The following TRPV1 variants were observed in gnomAD, a reference collection of about 807,000 sequenced individuals.
TRPV1 encodes the protein transient receptor potential cation channel subfamily V member 1, also known as OTRPC1.
In TRPV1, 82 loss-of-function variants were observed where a neutral mutation model predicts 82.3. That is an observed-to-expected ratio of 1.00 (90% CI 0.83 to 1.20). TRPV1 has a LOEUF of 1.20. TRPV1 is among the 50% of genes most tolerant of loss of function. The pLI is 0.00. For missense variants in TRPV1, 1,067 were observed against 1,096.8 expected (o/e 0.97, Z 0.38); for synonymous variants, 515 against 467.7 (o/e 1.10, Z -1.30).
At chr17:3,605,568 A>G (rs1245705733) in intron 2 of TRPV1, among the ~76,000 whole-genome samples, 1 of 152,040 alleles carries the variant, frequency 6.6e-6, no homozygotes, top group Non-Finnish European at 1.5e-5. Context: ...ATCCCAGTAC[A>G]CAGCAGGTAC....
At chr17:3,593,508 T>C (rs2075187809) in intron 2 of TRPV1, among the ~76,000 whole-genome samples, 1 of 152,056 alleles carries the variant, frequency 6.6e-6, no homozygotes, top group South Asian at 2.1e-4. Context: ...GGGTGGCCCA[T>C]ACATCCCTCC....
chr17:3,574,000 T>C, intron 13 of TRPV1, 45 bp from the exon 14 acceptor site: 1 of 1,497,430 alleles, frequency 6.7e-7, no homozygotes, highest in Non-Finnish European at 8.9e-7. Flanking sequence ...TAGAAGCCAA[T>C]ATCCCAAGTC....
intron 2 of TRPV1, among the ~76,000 whole-genome samples, chr17:3,600,940 C>T (rs1165944317): frequency 1.3e-5 from 2 of 152,136 alleles, no homozygotes; most frequent in Non-Finnish European, 2.9e-5. Flanking sequence ...AAGTCAGCGG[C>T]TGCTTCATCC....
intron 13 of TRPV1, among the ~76,000 whole-genome samples, chr17:3,575,641 G>C (rs192797162): frequency 4.9e-4 from 74 of 152,210 alleles, no homozygotes; most frequent in Non-Finnish European, 6.9e-4. Context: ...CCATCACAAA[G>C]GTAAATATAG....
intron 10 of TRPV1, among the ~76,000 whole-genome samples, chr17:3,582,184 C>T (rs1464376841): frequency 2.8e-4 from 13 of 45,924 alleles, no homozygotes; most frequent in African/African-American, 5.9e-4. Context: ...AGTGAGACTC[C>T]ATCTCAAAAA....
intron 8 of TRPV1, 67 bp downstream of exon 8, chr17:3,588,121 G>A: frequency 6.6e-7 from 1 of 1,509,230 alleles, no homozygotes; most frequent in Admixed American, 2.0e-5. Flanking sequence ...AGCTGGACCA[G>A]GGGCTGGGAT....
intron 2 of TRPV1, among the ~76,000 whole-genome samples, chr17:3,601,209 C>CCTCCTCTACCTGGGAGCCCCTTCTT (rs2075260221): frequency 6.6e-6 from 1 of 152,106 alleles, no homozygotes. Flanking sequence ...TCCGTCCATC[C>CCTCCTCTACCTGGGAGCCCCTTCTT]CTCCTCTACC....
Position 3,580,482 on chromosome 17 carries a change from C to T in TRPV1, c.1522G>A (p.Val508Met), listed in dbSNP as rs182693954. The change falls in exon 11 of 17, where the codon GTG becomes ATG. Residue 508 changes from valine to methionine, a missense_variant. Coordinates refer to ENST00000572705, the MANE Select transcript of TRPV1 (RefSeq NM_080704.4). ...AAAAGCATCTCACTGTAGCTGTCCA[C>T]AAACAGGGTCTTCATCGACGGCCGC... ...QRRPSMKTLF[V>M]DSYSEMLFFL... 1.3e-4 allele frequency: 208 copies of T among 1,614,054 alleles called. 1 individual carries two copies. In the East Asian group the frequency reaches 4.4e-3, roughly 34 times the overall value.
chr17:3,594,000 C>T (rs1312405059), intron 2 of TRPV1, among the ~76,000 whole-genome samples: 10 of 151,884 alleles, frequency 6.6e-5, no homozygotes, highest in Admixed American at 1.3e-4. Context: ...TGGTGTCGGG[C>T]GCCTGTAATC....
intron 2 of TRPV1, among the ~76,000 whole-genome samples, chr17:3,593,549 T>G (rs1358547068): frequency 2.0e-5 from 3 of 152,078 alleles, no homozygotes; most frequent in Admixed American, 6.5e-5. Flanking sequence ...GGTCTCCACC[T>G]AAGGGCTTTT....
intron 5 of TRPV1, 130 bp downstream of exon 5, chr17:3,590,834 G>A: frequency 7.8e-7 from 1 of 1,279,642 alleles, no homozygotes; most frequent in South Asian, 1.6e-5. Flanking sequence ...CTAGGATTAG[G>A]AGCCACCAAC....
intron 14 of TRPV1, among the ~76,000 whole-genome samples, chr17:3,572,905 G>C (rs1476259137): frequency 1.9e-4 from 27 of 144,074 alleles, no homozygotes; most frequent in African/African-American, 4.3e-4. Context: ...ACCGCTTGAA[G>C]TCGGGAGGCA....
In TRPV1 at chr17:3,587,617, G is replaced by A. The variant is rs192706519; in HGVS notation, c.1224+571C>T. The stretch of plus-strand genomic sequence containing the variant: ...GCGGATCACCTGAGGTCAAGAGTTC[G>A]AGACCACCCTGACCAACATGGAGAA... On this transcript the variant is annotated intron_variant, in intron 8 of 16. Coordinates refer to ENST00000572705, the MANE Select transcript of TRPV1 (RefSeq NM_080704.4). Among the ~76,000 whole-genome samples, 195 of 152,232 alleles carry A rather than the reference G, an allele frequency of 1.3e-3. No individual in the cohort carries two copies. In the Middle Eastern group the frequency reaches 0.02, roughly 16 times the overall value.
intron 14 of TRPV1, 141 bp downstream of exon 14, chr17:3,573,492 G>A: frequency 1.1e-6 from 1 of 893,596 alleles, no homozygotes; most frequent in Non-Finnish European, 1.7e-6. Context: ...GCTGGGTAAG[G>A]CAGCGGATAG....
At chr17:3,597,914 C>G (rs1156752842) in intron 2 of TRPV1, among the ~76,000 whole-genome samples, 6 of 152,134 alleles carry the variant, frequency 3.9e-5, no homozygotes, top group Non-Finnish European at 7.4e-5. Context: ...CCTCGTCATC[C>G]ACCTGCCTCG....
At chr17:3,575,990 C>T (rs1428189046) in intron 13 of TRPV1, among the ~76,000 whole-genome samples, 2 of 151,708 alleles carry the variant, frequency 1.3e-5, no homozygotes, top group East Asian at 1.9e-4. Context: ...CTTTGGGAGC[C>T]GAGGCGGGCA....
chr17:3,589,053 A>T, intron 7 of TRPV1: 3 of 1,274,406 alleles, frequency 2.4e-6, no homozygotes, highest in Non-Finnish European at 2.2e-6. Context: ...TGGGAGGCTG[A>T]GGTGGAAGGA....
intron 2 of TRPV1, among the ~76,000 whole-genome samples, chr17:3,593,131 T>C (rs1176773866): frequency 8.8e-5 from 4 of 45,268 alleles, no homozygotes; most frequent in African/African-American, 2.2e-4. Context: ...TGTGTGTGTG[T>C]GTGTGTCTGT....
intron 8 of TRPV1, among the ~76,000 whole-genome samples, chr17:3,586,234 T>A (rs543332697): frequency 4.6e-5 from 7 of 152,004 alleles, no homozygotes; most frequent in African/African-American, 9.6e-5. Context: ...GTCTAATAAC[T>A]CCCTCCCGAG....
Sources: allele counts gnomAD v4.1 joint callset (sites outside exome capture counted in the v4.1 genomes callset), GRCh38; gene constraint gnomAD v4.1.1; transcripts MANE v1.5; gene names NCBI Gene and HGNC (gene_info 2026-07-23, HGNC 2026-07-21).